The following KIAA1217 variants were observed in gnomAD, a reference collection of about 807,000 sequenced individuals.
The protein encoded by KIAA1217 is sickle tail protein homolog.
In KIAA1217, 88 loss-of-function variants were observed where a neutral mutation model predicts 163.9. That is an observed-to-expected ratio of 0.54 (90% CI 0.45 to 0.64). The LOEUF (loss-of-function observed/expected upper bound fraction) is 0.64. Ranked by LOEUF, KIAA1217 falls within the 30% of genes least tolerant of loss-of-function variation. The pLI is 0.00. For missense variants in KIAA1217, 2,372 were observed against 2,475.0 expected, an observed-to-expected ratio of 0.96 and a Z score of 0.88; for synonymous variants, 903 against 923.1, an observed-to-expected ratio of 0.98 and a Z score of 0.39.
At chr10:23,932,875 G>A (rs1313955753) in intron 1 of KIAA1217, among the ~76,000 whole-genome samples, 1 of 152,128 alleles carries the variant, frequency 6.6e-6, no homozygotes, top group Non-Finnish European at 1.5e-5. Context: ...AAATAAATAA[G>A]AATAAAGGTG....
chr10:23,760,718 AT>A (rs1443091309), intron 1 of KIAA1217, among the ~76,000 whole-genome samples: 1 of 152,208 alleles, frequency 6.6e-6, no homozygotes, highest in African/African-American at 2.4e-5. Flanking sequence ...AGGTGGGAAG[AT>A]TGCTTGAGCT....
At chr10:23,871,183 T>A (rs1342041953) in intron 1 of KIAA1217, among the ~76,000 whole-genome samples, 1 of 152,100 alleles carries the variant, frequency 6.6e-6, no homozygotes, top group Non-Finnish European at 1.5e-5. Context: ...TAGTGTGGCC[T>A]CCTTTCCTAG....
At chr10:23,774,600 C>T (rs1009905239) in intron 1 of KIAA1217, among the ~76,000 whole-genome samples, 1 of 152,068 alleles carries the variant, frequency 6.6e-6, no homozygotes, top group Non-Finnish European at 1.5e-5. Flanking sequence ...TCTCCAGGCT[C>T]GAATTGGGCC....
rs530176620 is a variant in KIAA1217, at chr10:24,403,922, T to C, written c.553+22855T>C. On this transcript the variant is annotated intron_variant, in intron 3 of 20. Transcript: ENST00000376454. ...TTGCTGGTGGAAATGTAAAATGGAA[T>C]AGCCACGCTAGAAAGTAGTTTTGCA... 1.4e-4 allele frequency among the ~76,000 whole-genome samples: 22 copies of C among 152,296 alleles called. No individual in the cohort carries two copies. The South Asian group carries it at 2.1e-3, about 14-fold the overall frequency.
At chr10:24,422,950 GCTGGAGTGCAGT>G (rs2058863323) in intron 3 of KIAA1217, among the ~76,000 whole-genome samples, 1 of 144,982 alleles carries the variant, frequency 6.9e-6, no homozygotes, top group South Asian at 2.1e-4. Flanking sequence ...TATTGCCCAG[GCTGGAGTGCAGT>G]GGCACCATCT....
chr10:24,485,241 A>T (rs185087156), intron 6 of KIAA1217, among the ~76,000 whole-genome samples: 15 of 152,038 alleles, frequency 9.9e-5, no homozygotes, highest in Admixed American at 3.9e-4. Context: ...GGTGTGAGAG[A>T]ATGGGTACCC....
intron 2 of KIAA1217, among the ~76,000 whole-genome samples, chr10:24,049,422 T>A (rs1302362566): frequency 6.6e-6 from 1 of 152,214 alleles, no homozygotes; most frequent in Non-Finnish European, 1.5e-5. Flanking sequence ...ATTTTTATTG[T>A]TATACTTTAA....
chr10:24,234,656 C>CAAAA (rs71397938), intron 2 of KIAA1217, among the ~76,000 whole-genome samples: 10 of 73,326 alleles, frequency 1.4e-4, no homozygotes, highest in South Asian at 5.9e-4. Flanking sequence ...AAAACTGTCT[C>CAAAA]AAAAAAAAAA....
At chr10:24,405,210 T>C (rs2057074888) in intron 3 of KIAA1217, among the ~76,000 whole-genome samples, 1 of 152,184 alleles carries the variant, frequency 6.6e-6, no homozygotes, top group Non-Finnish European at 1.5e-5. Flanking sequence ...AGTTTTGTTA[T>C]TGCCCTATAG....
intron 2 of KIAA1217, among the ~76,000 whole-genome samples, chr10:24,276,301 C>A (rs2132080701): frequency 6.6e-6 from 1 of 152,276 alleles, no homozygotes; most frequent in African/African-American, 2.4e-5. Flanking sequence ...GTTTTGATGT[C>A]CTTTGAAAAA....
At chr10:23,794,785 G>T (rs143415754) in intron 1 of KIAA1217, among the ~76,000 whole-genome samples, 18 of 152,322 alleles carry the variant, frequency 1.2e-4, no homozygotes, top group African/African-American at 4.1e-4. Flanking sequence ...TGATTTTAAC[G>T]TGTATACGTG....
chr10:23,782,021 C>A (rs757198930), intron 1 of KIAA1217, among the ~76,000 whole-genome samples: 1 of 151,886 alleles, frequency 6.6e-6, no homozygotes, highest in East Asian at 1.9e-4. Flanking sequence ...ACTTTGTTTT[C>A]GTTTTTCAAG....
chr10:24,412,806 C>A (rs543469285), intron 3 of KIAA1217, among the ~76,000 whole-genome samples: 3 of 152,300 alleles, frequency 2.0e-5, no homozygotes, highest in Non-Finnish European at 4.4e-5. Context: ...CCGCTGTAGC[C>A]TGGATGTGTC....
At chr10:24,242,949 G>A (rs1268640967) in intron 2 of KIAA1217, among the ~76,000 whole-genome samples, 10 of 151,952 alleles carry the variant, frequency 6.6e-5, no homozygotes, top group African/African-American at 2.4e-4. Flanking sequence ...TTTGCTTGTT[G>A]ATTTAAGTTC....
At chr10:23,833,072 A>G (rs1231369313) in intron 1 of KIAA1217, among the ~76,000 whole-genome samples, 6 of 152,154 alleles carry the variant, frequency 3.9e-5, no homozygotes, top group African/African-American at 1.4e-4. Context: ...AACCATATCA[A>G]TACTTAAATC....
intron 3 of KIAA1217, among the ~76,000 whole-genome samples, chr10:24,404,508 A>G (rs143201987): frequency 0.019 from 2,625 of 141,746 alleles, 70 homozygotes; most frequent in African/African-American, 0.061. Flanking sequence ...CAGAGGTTGC[A>G]GTGAGCTGAG....
chr10:24,433,649 A>C (rs2059782070), intron 4 of KIAA1217, among the ~76,000 whole-genome samples: 1 of 152,178 alleles, frequency 6.6e-6, no homozygotes, highest in Non-Finnish European at 1.5e-5. Context: ...TCGAGGTCTT[A>C]AGAGTTGTAG....
At chr10:23,965,263 T>A (rs1007668931) in intron 1 of KIAA1217, among the ~76,000 whole-genome samples, 2 of 152,236 alleles carry the variant, frequency 1.3e-5, no homozygotes, top group Non-Finnish European at 2.9e-5. Context: ...CCGGAGGGCC[T>A]CTGCGTGTGT....
chr10:24,224,237 T>C (rs749711725), intron 2 of KIAA1217, among the ~76,000 whole-genome samples: 17 of 152,262 alleles, frequency 1.1e-4, no homozygotes, highest in African/African-American at 2.7e-4. Context: ...GCCTGGCAGC[T>C]AAGGGCTTGG....
Sources: allele counts gnomAD v4.1 joint callset (sites outside exome capture counted in the v4.1 genomes callset), GRCh38; gene constraint gnomAD v4.1.1; transcripts MANE v1.5; gene names NCBI Gene and HGNC (gene_info 2026-07-23, HGNC 2026-07-21).